The following DPYD variants were observed in gnomAD, a reference collection of about 807,000 sequenced individuals.
DPYD encodes dihydropyrimidine dehydrogenase [NADP(+)].
In DPYD, 109 loss-of-function variants were observed where a neutral mutation model predicts 116.2. That is an observed-to-expected ratio of 0.94 (90% CI 0.80 to 1.10). The LOEUF (loss-of-function observed/expected upper bound fraction) is 1.10, where lower values mean the gene tolerates loss of function less well. Among genes scored for constraint, DPYD ranks in the 50% least tolerant of loss-of-function variants. The pLI is 0.00. For synonymous variants in DPYD, 440 were observed against 432.0 expected (o/e 1.02, Z -0.23); for missense variants, 1,302 against 1,254.5 (o/e 1.04, Z -0.57).
intron 18 of DPYD, among the ~76,000 whole-genome samples, chr1:97,244,682 T>C (rs537843327): frequency 4.6e-5 from 7 of 152,180 alleles, no homozygotes; most frequent in African/African-American, 1.4e-4. Flanking sequence ...TCTACGAATA[T>C]GTATAATACC....
At chr1:97,362,357 C>T (rs191309939) in intron 16 of DPYD, among the ~76,000 whole-genome samples, 3 of 152,222 alleles carry the variant, frequency 2.0e-5, no homozygotes, top group East Asian at 1.9e-4. Context: ...GAATCAATAT[C>T]GTGAAAATGG....
chr1:97,719,894 A>T (rs756941844), intron 5 of DPYD: 20 of 985,122 alleles, frequency 2.0e-5, no homozygotes, highest in Admixed American at 6.2e-5. Context: ...CATCTACTGC[A>T]GTCCTAATCT....
intron 14 of DPYD, among the ~76,000 whole-genome samples, chr1:97,418,306 ATTTTT>A (rs71311934): frequency 3.5e-5 from 5 of 144,062 alleles, no homozygotes; most frequent in South Asian, 2.2e-4. Flanking sequence ...ATATAAGATG[ATTTTT>A]TTTTTTTTTT....
At chr1:97,905,902 T>C (rs1347390272) in intron 1 of DPYD, among the ~76,000 whole-genome samples, 1 of 152,096 alleles carries the variant, frequency 6.6e-6, no homozygotes, top group Non-Finnish European at 1.5e-5. Flanking sequence ...TAGATTTTAG[T>C]TTCCAGTTCA....
At chr1:97,432,567 C>A (rs963096103) in intron 14 of DPYD, among the ~76,000 whole-genome samples, 46 of 151,882 alleles carry the variant, frequency 3.0e-4, no homozygotes, top group Admixed American at 2.2e-3. Context: ...CTGATAATTC[C>A]AATTCTATGT....
At chr1:97,202,103 A>G (rs952777595) in intron 19 of DPYD, among the ~76,000 whole-genome samples, 5 of 152,124 alleles carry the variant, frequency 3.3e-5, no homozygotes, top group Non-Finnish European at 5.9e-5. Context: ...ACCACAGCAA[A>G]TAGGATTGGG....
intron 13 of DPYD, among the ~76,000 whole-genome samples, chr1:97,501,162 A>G (rs1679552844): frequency 6.6e-6 from 1 of 152,010 alleles, no homozygotes; most frequent in African/African-American, 2.4e-5. Context: ...GAAAAAATCA[A>G]TATGGAGCCT....
chr1:97,547,888 T>C (rs1651023708), intron 12 of DPYD, among the ~76,000 whole-genome samples: 2 of 152,138 alleles, frequency 1.3e-5, no homozygotes, highest in Admixed American at 6.6e-5. Context: ...TACTCAAAGA[T>C]GCCAAGGAGG....
chr1:97,425,041 C>T (rs2101710160), intron 14 of DPYD, among the ~76,000 whole-genome samples: 1 of 151,970 alleles, frequency 6.6e-6, no homozygotes, highest in Admixed American at 6.6e-5. Flanking sequence ...CCTAGAAAAC[C>T]TAGGGTATAT....
At chr1:97,260,578 T>C (rs1464076799) in intron 18 of DPYD, among the ~76,000 whole-genome samples, 1 of 152,112 alleles carries the variant, frequency 6.6e-6, no homozygotes, top group Non-Finnish European at 1.5e-5. Flanking sequence ...GTCTTAAAAT[T>C]ACCATAAAAT....
chr1:97,179,440 C>T (rs1169914829), intron 20 of DPYD, among the ~76,000 whole-genome samples: 1 of 151,998 alleles, frequency 6.6e-6, no homozygotes, highest in Non-Finnish European at 1.5e-5. Flanking sequence ...AGACTAACAG[C>T]CAGCACAGGA....
At chr1:97,276,138 T>C (rs1183293348) in intron 18 of DPYD, among the ~76,000 whole-genome samples, 16 of 152,166 alleles carry the variant, frequency 1.1e-4, no homozygotes, top group Non-Finnish European at 2.1e-4. Context: ...GGATGTCTGA[T>C]AAGATGTCTT....
intron 13 of DPYD, among the ~76,000 whole-genome samples, chr1:97,470,507 T>C (rs180851344): frequency 1.2e-4 from 18 of 152,206 alleles, no homozygotes; most frequent in Admixed American, 2.0e-4. Context: ...GGAAGTAATA[T>C]GTGCAATATA....
chr1:97,220,477 C>T (rs1660705024), intron 19 of DPYD, among the ~76,000 whole-genome samples: 2 of 152,136 alleles, frequency 1.3e-5, no homozygotes, highest in African/African-American at 4.8e-5. Flanking sequence ...TAAGACATCA[C>T]TCTTGTGAGG....
At chr1:97,323,528 AT>A (rs1668499357) in intron 16 of DPYD, among the ~76,000 whole-genome samples, 6 of 25,406 alleles carry the variant, frequency 2.4e-4, no homozygotes, top group Non-Finnish European at 5.6e-4. Flanking sequence ...ATATACACAT[AT>A]ATATACATAT....
chr1:97,680,599 TA>T (rs1317638969), intron 7 of DPYD, among the ~76,000 whole-genome samples: 1 of 152,208 alleles, frequency 6.6e-6, no homozygotes, highest in African/African-American at 2.4e-5. Context: ...AATATTCATT[TA>T]CAGTTTTGCC....
chr1:97,624,451 T>A (rs1027848382), intron 8 of DPYD, among the ~76,000 whole-genome samples: 1 of 151,922 alleles, frequency 6.6e-6, no homozygotes, highest in Non-Finnish European at 1.5e-5. Flanking sequence ...ATAACTTTTA[T>A]TAAAAAGATG....
intron 20 of DPYD, among the ~76,000 whole-genome samples, chr1:97,185,775 A>C (rs531137567): frequency 3.3e-5 from 5 of 152,154 alleles, no homozygotes; most frequent in Admixed American, 1.3e-4. Context: ...AAACTAATCT[A>C]TGGTGGCAGG....
At chr1:97,322,746 G>T (rs1297058961) in intron 16 of DPYD, 2 of 151,910 alleles carry the variant, frequency 1.3e-5, no homozygotes, top group Non-Finnish European at 2.9e-5. Flanking sequence ...ACCCCATTTT[G>T]GGGAGTTTAT....
Sources: gnomAD v4.1 joint callset for allele counts (sites outside exome capture counted in the v4.1 genomes callset) on GRCh38, gnomAD v4.1.1 for gene constraint, MANE v1.5 for transcripts, NCBI Gene and HGNC (gene_info 2026-07-23, HGNC 2026-07-21) for gene names.